ZNF107: variants seen among roughly 807,000 people sequenced by gnomAD.
The protein encoded by ZNF107 is C2H2 type zinc-finger protein.
A neutral mutation model predicts 12.3 loss-of-function variants in ZNF107; 19 were observed. The observed-to-expected ratio is 1.55, with a 90% CI of 1.08 to 2.27. The LOEUF (loss-of-function observed/expected upper bound fraction) is 2.27. Among genes scored for constraint, ZNF107 ranks in the 30% most tolerant of loss-of-function variants. The pLI is 0.00. For missense variants in ZNF107, 958 were observed against 979.9 expected (o/e 0.98, Z 0.30); for synonymous variants, 317 against 330.5 (o/e 0.96, Z 0.44).
Position 64,708,264 on chromosome 7 carries a change from CAT to C in ZNF107, c.2169_2170del (p.His723GlnfsTer13). 1.2e-6 allele frequency: 2 copies of C among 1,613,670 alleles called. No individual in the cohort carries two copies. The highest frequency in any genetic ancestry group is 1.7e-6 in the Non-Finnish European group (2 of 1,179,776). On this transcript the variant is annotated frameshift_variant, in exon 4 of 4. Coordinates refer to ENST00000620827, the MANE Select transcript of ZNF107 (RefSeq NM_001282359.2). LOFTEE classifies it low-confidence loss of function (END_TRUNC). The stretch of plus-strand genomic sequence containing the variant: ...TAACTGCTCCTCAACCCTTAATAGA[CAT>C]AAGATAATTCATACTGGAGAGAAAC... Reference protein sequence around the residue: ...AFNCSSTLNRHKIIHTGEKPY... With the variant: ...AFNCSSTLNRXKIIHTGEKPY...
At chr7:64,703,484 C>T (rs1222333991) in intron 3 of ZNF107, among the ~76,000 whole-genome samples, 1 of 152,152 alleles carries the variant, frequency 6.6e-6, no homozygotes, top group Admixed American at 6.5e-5. Flanking sequence ...GGCTAAAGTG[C>T]AGTGGTATGA....
chr7:64,697,104 G>A (rs1239445829), intron 3 of ZNF107, among the ~76,000 whole-genome samples: 5 of 152,094 alleles, frequency 3.3e-5, no homozygotes, highest in Admixed American at 3.3e-4. Context: ...TGCTGAGAAT[G>A]ATGGTTTCCA....
intron 3 of ZNF107, among the ~76,000 whole-genome samples, chr7:64,703,745 A>T (rs1310537245): frequency 2.0e-5 from 3 of 152,054 alleles, no homozygotes; most frequent in Non-Finnish European, 2.9e-5. Context: ...TTGTCTCTTG[A>T]TTTTATAGAT....
At position 64,707,689 on chromosome 7, in the gene ZNF107, A is replaced by C. The variant is rs755117930; in HGVS notation, c.1592A>C (p.His531Pro). 5 of 1,612,898 alleles carry C rather than the reference A, an allele frequency of 3.1e-6. No individual in the cohort carries two copies. The East Asian group carries it at 1.1e-4, about 36-fold the overall frequency. Residue 531 changes from histidine (H) to proline (P), a missense_variant, in exon 4 of 4, where the codon CAT becomes CCT. By Grantham distance (77) the His-to-Pro change is moderately conservative. Transcript: ENST00000620827. ...AACCTTACTGAACATAAGAAAATTC[A>C]TACTGGAGAGAAACCCTATAAATGT... is the stretch of plus-strand genomic sequence containing the variant. ...SSNLTEHKKI[H>P]TGEKPYKCEE... is the part of the protein sequence containing the mutation.
chr7:64,692,072 G>A (rs561080029), intron 3 of ZNF107, 112 bp downstream of exon 3: 25 of 707,814 alleles, frequency 3.5e-5, no homozygotes, highest in Admixed American at 1.1e-4. Context: ...AAAGGAAATA[G>A]TTTCTGGAAA....
chr7:64,688,257 CT>C (rs36082192), intron 1 of ZNF107, among the ~76,000 whole-genome samples: 125 of 133,262 alleles, frequency 9.4e-4, no homozygotes, highest in Non-Finnish European at 9.0e-4. Flanking sequence ...CCTTCCTCCT[CT>C]TTTTTTTTTT....
At chr7:64,703,354 G>T (rs1196006522) in intron 3 of ZNF107, among the ~76,000 whole-genome samples, 5 of 151,944 alleles carry the variant, frequency 3.3e-5, no homozygotes, top group Non-Finnish European at 7.4e-5. Flanking sequence ...TGTTGTGAAT[G>T]GTTGTTCAAT....
At position 64,709,103 on chromosome 7, in the gene ZNF107, A is replaced by G; in HGVS notation, c.*447A>G. 2.1e-6 allele frequency: 1 copy of G among 471,538 alleles called. No homozygotes were observed. The highest frequency in any genetic ancestry group is 1.6e-5 in the South Asian group (1 of 61,436). 29.2% of individuals were successfully genotyped at this position (471,538 alleles called of 1,614,324 possible). On this transcript the variant is annotated 3_prime_UTR_variant, in exon 4 of 4. Transcript: ENST00000620827. Reference sequence around the variant, plus strand: ...AATCCTCATACCTTACTATACAGAAATTCATACTGGAGAGAAAGCCTACAA... The same window carrying G: ...AATCCTCATACCTTACTATACAGAAGTTCATACTGGAGAGAAAGCCTACAA...
Position 64,707,497 on chromosome 7 carries a change from A to G in ZNF107, c.1400A>G (p.Asn467Ser), listed in dbSNP as rs1425535109. 1.2e-6 allele frequency: 2 copies of G among 1,613,310 alleles called. No individual in the cohort carries two copies. Among genetic ancestry groups the G allele is most frequent in the South Asian group, 2.2e-5 (2 of 91,024 alleles). ...ECGKAFNQHSNLINHRKIYSG... is the reference protein window; with the variant it reads ...ECGKAFNQHSSLINHRKIYSG... The stretch of plus-strand genomic sequence containing the variant: ...GGCAAAGCTTTTAACCAACACTCAA[A>G]CCTAATTAACCATAGGAAAATTTAT... Residue 467 changes from asparagine (N) to serine (S), a missense_variant, in exon 4 of 4, where the codon AAC becomes AGC. By Grantham distance (46) the Asn-to-Ser change is conservative. Transcript: ENST00000620827.
At position 64,709,819 on chromosome 7, in the gene ZNF107, T is replaced by C; in HGVS notation, c.*1163T>C. The C allele has an allele frequency of 4.5e-6, 2 of 447,288 alleles. No homozygotes were observed. The highest frequency in any genetic ancestry group is 1.6e-5 in the South Asian group (1 of 62,648). The allele number at this position is 447,288 out of a possible 1,614,324, so 27.7% of individuals were successfully genotyped here. ...TTGTCAAGAGATCTTTCAGAAAATA[T>C]AAGCCTTTAAAGTGAAGAAGAGGAG... On this transcript the variant is annotated 3_prime_UTR_variant, in exon 4 of 4. Transcript: ENST00000620827.
chr7:64,671,427 C>T (rs1444310114), intron 1 of ZNF107, among the ~76,000 whole-genome samples: 7 of 152,164 alleles, frequency 4.6e-5, no homozygotes, highest in African/African-American at 1.7e-4. Context: ...CTACAAGTCT[C>T]CTGACATATT....
In ZNF107 at chr7:64,707,588, T is replaced by G; in HGVS notation, c.1491T>G (p.Thr497=). Reference sequence around the variant, plus strand: ...CTTTTAATCGATCCTCAACCCTTACTAGACATAAGAAAATTCATACTGGAG... The same window carrying G: ...CTTTTAATCGATCCTCAACCCTTACGAGACATAAGAAAATTCATACTGGAG... ...GKAFNRSSTL[T]RHKKIHTGEK... is the part of the protein sequence containing the mutation. Residue 497 remains threonine (T), a synonymous_variant, in exon 4 of 4, where the codon ACT becomes ACG. Transcript: ENST00000620827. The G allele has an allele frequency of 6.2e-7, 1 of 1,613,006 alleles. No individual in the cohort carries two copies. Among genetic ancestry groups the G allele is most frequent in the Non-Finnish European group, 8.5e-7 (1 of 1,179,610 alleles).
At position 64,708,082 on chromosome 7, in the gene ZNF107, C is replaced by G. The variant is rs142082731; in HGVS notation, c.1985C>G (p.Ser662Ter). The G allele has an allele frequency of 4.8e-5, 78 of 1,613,412 alleles. No homozygotes were observed. Among genetic ancestry groups the G allele is most frequent in the Non-Finnish European group, 6.5e-5 (77 of 1,179,648 alleles). Reference sequence around the variant, plus strand: ...CATGGAAAAGCTTTTAACCTATTCTCAAACATTACTAACCATAAGATAATT... The same window carrying G: ...CATGGAAAAGCTTTTAACCTATTCTGAAACATTACTAACCATAAGATAATT... The part of the protein sequence containing the change: ...EEHGKAFNLF[S>*]NITNHKIIYT... The change falls in exon 4 of 4, where the codon TCA (serine) becomes TGA (stop). Residue 662 changes from serine (S) to a stop codon, truncating the protein, a stop_gained. Transcript: ENST00000620827. LOFTEE classifies it low-confidence loss of function (END_TRUNC).
chr7:64,695,390 A>T (rs1037064257), intron 3 of ZNF107, among the ~76,000 whole-genome samples: 2 of 152,216 alleles, frequency 1.3e-5, no homozygotes, highest in African/African-American at 2.4e-5. Flanking sequence ...TATTGCAGTT[A>T]TCTAGACAAA....
At chr7:64,679,249 C>T in intron 1 of ZNF107, 1 of 984,998 alleles carries the variant, frequency 1.0e-6, no homozygotes, top group Non-Finnish European at 1.2e-6. Flanking sequence ...GTCCCTTAAC[C>T]CCTTCCCCCG....
intron 1 of ZNF107, chr7:64,687,356 T>C: frequency 1.0e-6 from 1 of 985,338 alleles, no homozygotes. Flanking sequence ...ATTGTGAAGG[T>C]GCAATTCTAC....
chr7:64,708,992 T>TC lies in ZNF107; in HGVS notation c.*337dup. On this transcript the variant is annotated 3_prime_UTR_variant, in exon 4 of 4. Coordinates refer to ENST00000620827, the MANE Select transcript of ZNF107 (RefSeq NM_001282359.2). The stretch of plus-strand genomic sequence containing the variant: ...GAGAAGAATGTGGCAATGCCTTTAA[T>TC]CAGTCCTCACACCTTTCTACACATA... 1 of 449,020 alleles carries TC rather than the reference T, an allele frequency of 2.2e-6. No homozygotes were observed. The highest frequency in any genetic ancestry group is 4.3e-6 in the Non-Finnish European group (1 of 235,000). The allele number at this position is 449,020 out of a possible 1,614,324, so 27.8% of individuals were successfully genotyped here.
chr7:64,708,692 A>T lies in ZNF107; in HGVS notation c.*36A>T, dbSNP rs1332518850. On this transcript the variant is annotated 3_prime_UTR_variant, in exon 4 of 4. Transcript: ENST00000620827. The stretch of plus-strand genomic sequence containing the variant: ...AAGCTTACTACACATAGGAAAATTC[A>T]TACTGGAGAGAAACTACAAATGTGA... 1.3e-5 allele frequency: 20 copies of T among 1,550,438 alleles called. No homozygotes were observed. The highest frequency in any genetic ancestry group is 1.7e-5 in the Non-Finnish European group (20 of 1,145,296).
At chr7:64,687,760 A>C (rs1789973120) in intron 1 of ZNF107, among the ~76,000 whole-genome samples, 3 of 152,120 alleles carry the variant, frequency 2.0e-5, no homozygotes. Context: ...GCAATCTCTT[A>C]AGCAGATTGA....
Sources: allele counts gnomAD v4.1 joint callset (sites outside exome capture counted in the v4.1 genomes callset), GRCh38; gene constraint gnomAD v4.1.1; transcripts MANE v1.5; gene names NCBI Gene and HGNC (gene_info 2026-07-23, HGNC 2026-07-21).